Variants in SLC25A20 observed in about 807,000 individuals in gnomAD.
SLC25A20 encodes mitochondrial carnitine/acylcarnitine carrier protein.
In SLC25A20, 29 loss-of-function variants were observed where a neutral mutation model predicts 39.7. The ratio of observed to expected loss-of-function variants is 0.73; its 90% CI spans 0.54 to 1.00. SLC25A20 has a LOEUF of 1.00. SLC25A20 is among the 50% of genes least tolerant of loss of function. SLC25A20 has a pLI of 0.00. For missense variants in SLC25A20, 333 were observed against 379.9 expected (o/e 0.88, Z 1.03); for synonymous variants, 103 against 142.2 (o/e 0.72, Z 1.96).
intron 2 of SLC25A20, among the ~76,000 whole-genome samples, chr3:48,887,242 C>T (rs867345102): frequency 1.3e-5 from 2 of 152,178 alleles, no homozygotes; most frequent in African/African-American, 4.8e-5. Context: ...GTCTTCCTTC[C>T]ACTAGAATGG....
chr3:48,860,183 C>T (rs1187245297), intron 5 of SLC25A20, among the ~76,000 whole-genome samples: 1 of 152,008 alleles, frequency 6.6e-6, no homozygotes, highest in Non-Finnish European at 1.5e-5. Context: ...CACCTGTAAT[C>T]CCAGCTACTC....
intron 4 of SLC25A20, among the ~76,000 whole-genome samples, chr3:48,867,077 G>A (rs1330474122): frequency 6.6e-6 from 1 of 151,884 alleles, no homozygotes; most frequent in East Asian, 1.9e-4. Context: ...TTACAGGTGT[G>A]AGCCACCGCG....
intron 4 of SLC25A20, among the ~76,000 whole-genome samples, chr3:48,876,108 C>T (rs2083754831): frequency 6.6e-6 from 1 of 151,988 alleles, no homozygotes; most frequent in South Asian, 2.1e-4. Context: ...TCTGGGATGC[C>T]GAGGTGGGTG....
At chr3:48,877,686 G>A (rs1237654703) in intron 4 of SLC25A20, among the ~76,000 whole-genome samples, 12 of 151,844 alleles carry the variant, frequency 7.9e-5, no homozygotes, top group African/African-American at 2.9e-4. Flanking sequence ...CTGAGATCAT[G>A]CCACTGCATT....
intron 3 of SLC25A20, among the ~76,000 whole-genome samples, chr3:48,881,523 C>T (rs1242164310): frequency 6.6e-6 from 1 of 152,176 alleles, no homozygotes; most frequent in Non-Finnish European, 1.5e-5. Flanking sequence ...CTAGACTCTC[C>T]TGGACTTCCA....
At chr3:48,865,338 G>C (rs957665732) in intron 4 of SLC25A20, among the ~76,000 whole-genome samples, 1 of 151,896 alleles carries the variant, frequency 6.6e-6, no homozygotes, top group African/African-American at 2.4e-5. Flanking sequence ...ATGTTGGCCA[G>C]GATGGTCTCG....
chr3:48,869,879 A>C (rs1400750853), intron 4 of SLC25A20, among the ~76,000 whole-genome samples: 1 of 152,126 alleles, frequency 6.6e-6, no homozygotes, highest in African/African-American at 2.4e-5. Context: ...GCACTTGGGG[A>C]GGCCAAGGTA....
rs533502269 is a variant in SLC25A20 at position 48,862,590 on chromosome 3, A to G, written c.487T>C (p.Phe163Leu). 2.5e-6 allele frequency: 4 copies of G among 1,613,780 alleles called. No individual in the cohort carries two copies. Among genetic ancestry groups the G allele is most frequent in the Non-Finnish European group, 3.4e-6 (4 of 1,179,906 alleles). ...LDCAKKLYQE[F>L]GIRGIYKGTV... ...CCTTTGTAGATGCCTCGGATCCCAA[A>G]CTCCTGGTACAGCTTCTTTGCACAG... Residue 163 changes from phenylalanine (F) to leucine (L), a missense_variant, in exon 5 of 9, where the codon TTT becomes CTT. Phe to Leu is a conservative substitution (Grantham distance 22). Transcript: ENST00000319017.
intron 4 of SLC25A20, among the ~76,000 whole-genome samples, chr3:48,875,416 A>G (rs1420067092): frequency 6.7e-6 from 1 of 148,864 alleles, no homozygotes; most frequent in East Asian, 2.0e-4. Flanking sequence ...TTTATTTTTT[A>G]ATTTATTTTT....
At chr3:48,865,303 T>G (rs140251963) in intron 4 of SLC25A20, among the ~76,000 whole-genome samples, 2,745 of 151,860 alleles carry the variant, frequency 0.018, 93 homozygotes, top group African/African-American at 0.063. Context: ...AATTTTTGTA[T>G]TTTTAGTAGA....
intron 1 of SLC25A20, among the ~76,000 whole-genome samples, chr3:48,895,253 C>T (rs559607866): frequency 1.2e-3 from 189 of 152,378 alleles, no homozygotes; most frequent in Non-Finnish European, 2.2e-3. Context: ...GGTGATCTGC[C>T]CGCCTCAGCC....
chr3:48,870,814 A>ATTT (rs71077745), intron 4 of SLC25A20, among the ~76,000 whole-genome samples: 1 of 109,844 alleles, frequency 9.1e-6, no homozygotes, highest in Non-Finnish European at 1.8e-5. Flanking sequence ...CAGGAATCAG[A>ATTT]TTTTTTTTTT....
intron 4 of SLC25A20, among the ~76,000 whole-genome samples, chr3:48,866,563 A>C (rs1432117150): frequency 1.3e-5 from 2 of 152,126 alleles, no homozygotes; most frequent in Non-Finnish European, 2.9e-5. Context: ...CAAAAAAAAA[A>C]CAAAAAACAA....
intron 2 of SLC25A20, among the ~76,000 whole-genome samples, chr3:48,885,162 T>A (rs2083820926): frequency 6.6e-6 from 1 of 151,714 alleles, no homozygotes; most frequent in African/African-American, 2.4e-5. Context: ...TCCTAGGCAG[T>A]CAGGAGGCTG....
chr3:48,859,525 A>C, intron 6 of SLC25A20, 30 bp downstream of exon 6: 1 of 1,590,594 alleles, frequency 6.3e-7, no homozygotes, highest in Admixed American at 1.7e-5. Context: ...ATGACTGGGG[A>C]AAGTGGCTTC....
intron 7 of SLC25A20, 141 bp from the exon 8 acceptor site, chr3:48,858,772 G>C (rs913250630): frequency 4.5e-5 from 45 of 1,004,430 alleles, no homozygotes; most frequent in Non-Finnish European, 3.1e-6. Flanking sequence ...TTCACCTTGG[G>C]ACAAATGCAC....
chr3:48,898,579 G>C, intron 1 of SLC25A20, 111 bp downstream of exon 1: 1 of 978,070 alleles, frequency 1.0e-6, no homozygotes, highest in Admixed American at 2.0e-5. Flanking sequence ...ACTTCTCACG[G>C]AAGCTCACAC....
rs2083603955 is a variant in SLC25A20 at position 48,859,159 on chromosome 3, G to A, written c.651C>T (p.Gly217=). ...CAGCCCAGTTGAAGATCCCTGCAAT[G>A]CCCCCAGCCACCAAGATCCGAGGGG... ...LSAPRILVAG[G]IAGIFNWAVA... Residue 217 remains glycine (G), a synonymous_variant, in exon 7 of 9, where the codon GGC becomes GGT. Transcript: ENST00000319017. 1 of 1,613,882 alleles carries A rather than the reference G, an allele frequency of 6.2e-7. No homozygotes were observed. The highest frequency in any genetic ancestry group is 1.1e-5 in the South Asian group (1 of 91,072).
At chr3:48,875,063 G>GA (rs35547809) in intron 4 of SLC25A20, among the ~76,000 whole-genome samples, 67,992 of 105,732 alleles carry the variant, frequency 0.64, 21,189 homozygotes, top group East Asian at 0.94. Flanking sequence ...CTCTGTCTCA[G>GA]AAAAAAAAAA....
Sources: allele counts gnomAD v4.1 joint callset (sites outside exome capture counted in the v4.1 genomes callset), GRCh38; gene constraint gnomAD v4.1.1; transcripts MANE v1.5; gene names NCBI Gene and HGNC (gene_info 2026-07-23, HGNC 2026-07-21).